Variants in CAMKMT observed in about 807,000 individuals in gnomAD.
The protein encoded by CAMKMT is calmodulin-lysine N-methyltransferase.
In CAMKMT, 53 loss-of-function variants were observed where a neutral mutation model predicts 48.0. The observed-to-expected ratio is 1.10, with a 90% CI of 0.89 to 1.39. The LOEUF is 1.39. Ranked by LOEUF, CAMKMT falls within the 40% of genes most tolerant of loss-of-function variation. The pLI, the probability that CAMKMT is intolerant of heterozygous loss-of-function variation, is 0.00. For missense variants in CAMKMT, 428 were observed against 402.7 expected, an observed-to-expected ratio of 1.06 and a Z score of -0.54; for synonymous variants, 165 against 152.3, an observed-to-expected ratio of 1.08 and a Z score of -0.61.
At chr2:44,630,173 T>C (rs1466170429) in intron 3 of CAMKMT, among the ~76,000 whole-genome samples, 3 of 151,686 alleles carry the variant, frequency 2.0e-5, no homozygotes, top group Non-Finnish European at 2.9e-5. Flanking sequence ...TAAATGGTGC[T>C]GGGAAAACTG....
chr2:44,716,373 G>A (rs971647520), intron 7 of CAMKMT, among the ~76,000 whole-genome samples: 8 of 151,994 alleles, frequency 5.3e-5, no homozygotes, highest in African/African-American at 4.8e-5. Context: ...TGCTGGCTTC[G>A]GACATGAAAA....
intron 3 of CAMKMT, among the ~76,000 whole-genome samples, chr2:44,561,436 C>T (rs906622968): frequency 1.2e-4 from 18 of 152,172 alleles, no homozygotes; most frequent in South Asian, 6.2e-4. Flanking sequence ...TCTGAACATA[C>T]AGTTTACTTA....
intron 3 of CAMKMT, among the ~76,000 whole-genome samples, chr2:44,621,011 A>G (rs545502624): frequency 7.9e-5 from 12 of 152,302 alleles, no homozygotes; most frequent in South Asian, 2.1e-4. Context: ...GCTCACGCCT[A>G]TAATCCCAGC....
intron 3 of CAMKMT, among the ~76,000 whole-genome samples, chr2:44,558,570 G>A (rs1215303121): frequency 6.6e-6 from 1 of 152,040 alleles, no homozygotes; most frequent in Non-Finnish European, 1.5e-5. Context: ...GGAAATTGTG[G>A]TACATATGCC....
chr2:44,570,909 G>A lies in CAMKMT; in HGVS notation c.377-133374G>A, dbSNP rs111455097. 1.9e-3 allele frequency among the ~76,000 whole-genome samples: 282 copies of A among 152,244 alleles called. 1 individual carries two copies. The Middle Eastern group carries it at 0.024, about 13-fold the overall frequency. The stretch of plus-strand genomic sequence containing the variant: ...CATATTTTAGCTTCAAAAGACAGTC[G>A]ACTGTATTTTAGTGCTGTCGTTCTT... On this transcript the variant is annotated intron_variant, in intron 3 of 10. Transcript: ENST00000378494.
In CAMKMT at chr2:44,387,908, C is replaced by G. The variant is rs558668225; in HGVS notation, c.312-2333C>G. Among the ~76,000 whole-genome samples the G allele has an allele frequency of 2.6e-5, 4 of 152,312 alleles. No homozygotes were observed. The South Asian group carries it at 8.3e-4, about 32-fold the overall frequency. ...TTCTGCTGAGAAATCTGCTGTTGAT[C>G]TGATAGGATTTTCTTTATAGGTTAC... On this transcript the variant is annotated intron_variant, in intron 2 of 10. Transcript: ENST00000378494.
rs1317029172 is a variant in CAMKMT, at chr2:44,571,078, T to G, written c.377-133205T>G. Among the ~76,000 whole-genome samples, 4 of 152,198 alleles carry G rather than the reference T, an allele frequency of 2.6e-5. No individual in the cohort carries two copies. The East Asian group carries it at 5.8e-4, about 22-fold the overall frequency. On this transcript the variant is annotated intron_variant, in intron 3 of 10. Transcript: ENST00000378494. ...AGAGCATGGCAAGGTTAAAAGAAAT[T>G]TTATTAGGATCAAGACACAAACCAT... is the stretch of plus-strand genomic sequence containing the variant.
chr2:44,390,661 T>A lies in CAMKMT; in HGVS notation c.376+356T>A, dbSNP rs569823246. ...TCAGTTAATTCAGTAGTGGGGCTGT[T>A]TCTTCCTTCTTTGCTTTGTTTCGGG... On this transcript the variant is annotated intron_variant, in intron 3 of 10. Transcript: ENST00000378494. Among the ~76,000 whole-genome samples, 33 of 152,282 alleles carry A rather than the reference T, an allele frequency of 2.2e-4. No homozygotes were observed. In the South Asian group the frequency reaches 6.8e-3, roughly 32 times the overall value.
chr2:44,650,062 G>A (rs557274749), intron 3 of CAMKMT, among the ~76,000 whole-genome samples: 1 of 152,192 alleles, frequency 6.6e-6, no homozygotes, highest in Non-Finnish European at 1.5e-5. Context: ...TTAGTTCTCT[G>A]GGGTTTCTTT....
chr2:44,390,608 C>G (rs1054009350), intron 3 of CAMKMT, among the ~76,000 whole-genome samples: 1 of 151,744 alleles, frequency 6.6e-6, no homozygotes, highest in Non-Finnish European at 1.5e-5. Flanking sequence ...GAAGTACTGT[C>G]CCTTTTATTT....
At chr2:44,426,034 A>T (rs1684259164) in intron 3 of CAMKMT, among the ~76,000 whole-genome samples, 1 of 152,178 alleles carries the variant, frequency 6.6e-6, no homozygotes, top group African/African-American at 2.4e-5. Flanking sequence ...CCCAGCCAGG[A>T]TTGTATCTTT....
intron 7 of CAMKMT, among the ~76,000 whole-genome samples, chr2:44,721,847 AGAGGGGAGGG>A (rs922642823): frequency 1.6e-5 from 2 of 126,402 alleles, no homozygotes; most frequent in African/African-American, 2.9e-5. Flanking sequence ...AGAGGAGAGG[AGAGGGGAGGG>A]GAGGGGAGGG....
chr2:44,438,516 C>T (rs1666425171), intron 3 of CAMKMT, among the ~76,000 whole-genome samples: 1 of 152,058 alleles, frequency 6.6e-6, no homozygotes, highest in Non-Finnish European at 1.5e-5. Context: ...AAATTTTTTC[C>T]TATTCATTTA....
At chr2:44,699,855 C>T (rs1053891611) in intron 3 of CAMKMT, among the ~76,000 whole-genome samples, 1 of 152,174 alleles carries the variant, frequency 6.6e-6, no homozygotes, top group African/African-American at 2.4e-5. Flanking sequence ...GCCGCACTAG[C>T]CCCTAACAAG....
At chr2:44,415,178 A>T (rs1449353810) in intron 3 of CAMKMT, among the ~76,000 whole-genome samples, 2 of 152,138 alleles carry the variant, frequency 1.3e-5, no homozygotes, top group African/African-American at 4.8e-5. Context: ...TCTGGGTATT[A>T]TTCTTACTAG....
In CAMKMT at chr2:44,489,243, A is replaced by ATT. The variant is rs11389463; in HGVS notation, c.376+98957_376+98958dup. On this transcript the variant is annotated intron_variant, in intron 3 of 10. Transcript: ENST00000378494. ...CATATTTATTTGTTCATGGAATACT[A>ATT]TTTTTTTTTTTTTTTTTTTTGAGAT... Among the ~76,000 whole-genome samples the ATT allele has an allele frequency of 8.7e-3, 941 of 107,706 alleles. 23 individuals carry two copies. Among genetic ancestry groups the ATT allele is most frequent in the African/African-American group, 0.02 (568 of 28,680 alleles). 70.7% of individuals were successfully genotyped at this position (107,706 alleles called of 152,430 possible).
chr2:44,514,066 C>G (rs1670710545), intron 3 of CAMKMT, among the ~76,000 whole-genome samples: 1 of 148,670 alleles, frequency 6.7e-6, no homozygotes. Context: ...TGCGCCACTA[C>G]ACTCTAGCCT....
At chr2:44,403,737 A>G (rs918653261) in intron 3 of CAMKMT, among the ~76,000 whole-genome samples, 1 of 152,196 alleles carries the variant, frequency 6.6e-6, no homozygotes, top group African/African-American at 2.4e-5. Flanking sequence ...CATTAATTTC[A>G]CATAAATGCT....
chr2:44,746,395 A>G (rs1679918692), intron 8 of CAMKMT, among the ~76,000 whole-genome samples: 1 of 152,236 alleles, frequency 6.6e-6, no homozygotes, highest in African/African-American at 2.4e-5. Flanking sequence ...TAAATCATTC[A>G]TATATTCAGA....
Sources: allele counts gnomAD v4.1 joint callset (sites outside exome capture counted in the v4.1 genomes callset), GRCh38; gene constraint gnomAD v4.1.1; transcripts MANE v1.5; gene names NCBI Gene and HGNC (gene_info 2026-07-23, HGNC 2026-07-21).